The following IARS1 variants were observed in gnomAD, a reference collection of about 807,000 sequenced individuals.
IARS1 encodes isoleucyl-tRNA synthetase 1.
A neutral mutation model predicts 168.2 loss-of-function variants in IARS1; 124 were observed. The ratio of observed to expected loss-of-function variants is 0.74; its 90% CI spans 0.64 to 0.86. The LOEUF (loss-of-function observed/expected upper bound fraction) is 0.86, where lower values mean the gene tolerates loss of function less well. IARS1 is among the 40% of genes least tolerant of loss of function. The probability of loss-of-function intolerance (pLI) is 0.00; values close to 1 mark genes in which losing one functional copy is unlikely to be tolerated. For synonymous variants in IARS1, 532 were observed against 529.4 expected (o/e 1.00, Z -0.07); for missense variants, 1,452 against 1,515.8 (o/e 0.96, Z 0.70).
intron 23 of IARS1, 103 bp from the exon 24 acceptor site, chr9:92,250,392 G>A: frequency 5.1e-6 from 4 of 784,358 alleles, no homozygotes; most frequent in South Asian, 1.5e-5. Flanking sequence ...CTAGAGAAGT[G>A]TGGCTAGGCC....
intron 30 of IARS1, chr9:92,240,644 T>C (rs1345889177): frequency 1.4e-6 from 1 of 716,548 alleles, no homozygotes; most frequent in East Asian, 2.7e-5. Flanking sequence ...TCCTCTCACC[T>C]TGGCTTCCAA....
At chr9:92,280,974 G>T in intron 6 of IARS1, 81 bp from the exon 7 acceptor site, 2 of 888,478 alleles carry the variant, frequency 2.3e-6, no homozygotes, top group Non-Finnish European at 3.3e-6. Flanking sequence ...TCCTAAAGAG[G>T]AATAAAATAA....
At position 92,287,877 on chromosome 9, in the gene IARS1, C is replaced by T. The variant is rs746424758; in HGVS notation, c.310G>A (p.Gly104Arg). 19 of 1,613,782 alleles carry T rather than the reference C, an allele frequency of 1.2e-5. No homozygotes were observed. Among genetic ancestry groups the T allele is most frequent in the Non-Finnish European group, 1.6e-5 (19 of 1,179,892 alleles). ...YEIDKTLGIRGPEDVAKMGIT... is the reference protein window; with the variant it reads ...YEIDKTLGIRRPEDVAKMGIT... The stretch of plus-strand genomic sequence containing the variant: ...CCCATTTTGGCCACATCCTCTGGTC[C>T]TCTGATTCCCAGTGTCTTATCAATT... Residue 104 changes from glycine to arginine, a missense_variant, in exon 4 of 34, where the codon GGA (glycine) becomes AGA (arginine). Transcript: ENST00000443024.
chr9:92,291,560 G>A (rs1836339552), intron 1 of IARS1, among the ~76,000 whole-genome samples: 1 of 152,166 alleles, frequency 6.6e-6, no homozygotes, highest in Non-Finnish European at 1.5e-5. Context: ...TCTGATCACA[G>A]TATGCCATTA....
At chr9:92,250,935 T>G in intron 22 of IARS1, 101 bp from the exon 23 acceptor site, 1 of 1,287,700 alleles carries the variant, frequency 7.8e-7, no homozygotes, top group Non-Finnish European at 1.1e-6. Context: ...AATGACACAG[T>G]AATAGGCACC....
chr9:92,287,805 A>C lies in IARS1; in HGVS notation c.382T>G (p.Ser128Ala), dbSNP rs772468673. 7.4e-6 allele frequency: 12 copies of C among 1,613,026 alleles called. No individual in the cohort carries two copies. In the East Asian group the frequency reaches 2.0e-4, roughly 27 times the overall value. ...NQCRAIVMRY[S>A]AEWKSTVSRL... ...ACCCAACATACCTTCCACTCAGCAG[A>C]ATATCTCATCACAATTGCTCGGCAC... Residue 128 changes from serine to alanine, a missense_variant, in exon 4 of 34, where the codon TCT (serine) becomes GCT (alanine). Transcript: ENST00000443024.
At chr9:92,240,588 C>G in intron 30 of IARS1, 1 of 651,962 alleles carries the variant, frequency 1.5e-6, no homozygotes, top group South Asian at 1.7e-5. Flanking sequence ...GAGGCAGGAT[C>G]TTATTATGTT....
intron 26 of IARS1, among the ~76,000 whole-genome samples, chr9:92,245,739 T>C (rs1043571183): frequency 6.6e-6 from 1 of 152,092 alleles, no homozygotes; most frequent in Non-Finnish European, 1.5e-5. Flanking sequence ...AAACTAGGCT[T>C]TCAATTTCAA....
At position 92,214,269 on chromosome 9, in the gene IARS1, G is replaced by C. The variant is rs527598479; in HGVS notation, c.3707-3380C>G. Among the ~76,000 whole-genome samples, 3 of 151,944 alleles carry C rather than the reference G, an allele frequency of 2.0e-5. No homozygotes were observed. In the South Asian group the frequency reaches 6.2e-4, roughly 32 times the overall value. ...CAGAAAGACGGAAACTCAAAGAATA[G>C]AATGGTCTGGGTGTGGTGGCTCACC... is the stretch of plus-strand genomic sequence containing the variant. On this transcript the variant is annotated intron_variant, in intron 33 of 33. Coordinates refer to ENST00000443024, the MANE Select transcript of IARS1 (RefSeq NM_002161.6).
intron 26 of IARS1, 25 bp from the exon 27 acceptor site, chr9:92,245,096 A>C (rs756746108): frequency 6.3e-7 from 1 of 1,584,098 alleles, no homozygotes; most frequent in Non-Finnish European, 8.7e-7. Flanking sequence ...CTACACTGTT[A>C]ATCAGCTTCC....
chr9:92,253,879 A>T (rs777795847), intron 20 of IARS1: 3 of 471,624 alleles, frequency 6.4e-6, no homozygotes, highest in Non-Finnish European at 1.3e-5. Flanking sequence ...CACAATTCAG[A>T]TGCTAAGAGG....
At chr9:92,260,716 T>TTTGAATATG (rs150052245) in intron 17 of IARS1, among the ~76,000 whole-genome samples, 4,659 of 152,312 alleles carry the variant, frequency 0.031, 112 homozygotes, top group South Asian at 0.079. Flanking sequence ...TTTGCAAACT[T>TTTGAATATG]CTTTTTGAAT....
intron 26 of IARS1, 142 bp downstream of exon 26, chr9:92,247,235 A>G: frequency 1.6e-6 from 1 of 616,836 alleles, no homozygotes; most frequent in South Asian, 2.5e-5. Context: ...GAGAGTAAGG[A>G]AAGGAAAGGA....
chr9:92,212,636 G>C (rs1474869422), intron 33 of IARS1, among the ~76,000 whole-genome samples: 1 of 152,188 alleles, frequency 6.6e-6, no homozygotes, highest in Non-Finnish European at 1.5e-5. Context: ...GGATTTGAGG[G>C]ACAAGAAGAG....
chr9:92,271,567 G>A lies in IARS1; in HGVS notation c.1079C>T (p.Thr360Met), dbSNP rs201999653. The stretch of plus-strand genomic sequence containing the variant: ...CTGTCCTGCGAAATCTGTCACCTCC[G>A]TTGTGAAGCAGCCTGAAGCATCCAC... Reference protein sequence around the residue: ...CPVDASGCFTTEVTDFAGQYV... With the variant: ...CPVDASGCFTMEVTDFAGQYV... Residue 360 changes from threonine (T) to methionine (M), a missense_variant, in exon 11 of 34, where the codon ACG becomes ATG. Physicochemically the swap from Thr to Met is moderately conservative, Grantham distance 81 (BLOSUM62 -1). Coordinates refer to ENST00000443024, the MANE Select transcript of IARS1 (RefSeq NM_002161.6). 2.0e-5 allele frequency: 32 copies of A among 1,614,062 alleles called. No individual in the cohort carries two copies. Among genetic ancestry groups the A allele is most frequent in the Admixed American group, 5.0e-5 (3 of 60,020 alleles).
intron 5 of IARS1, chr9:92,286,115 C>T (rs907032467): frequency 8.4e-5 from 29 of 343,644 alleles, no homozygotes; most frequent in Non-Finnish European, 1.3e-4. Flanking sequence ...CGTCTGTAAT[C>T]GTAGCACTTT....
At chr9:92,214,820 T>C (rs559202769) in intron 33 of IARS1, among the ~76,000 whole-genome samples, 2 of 152,294 alleles carry the variant, frequency 1.3e-5, no homozygotes, top group South Asian at 4.1e-4. Flanking sequence ...GAGATCAAAC[T>C]GCAAGGCGGC....
chr9:92,251,447 T>C (rs1367935896), intron 22 of IARS1, among the ~76,000 whole-genome samples: 1 of 152,194 alleles, frequency 6.6e-6, no homozygotes. Flanking sequence ...TATATATATA[T>C]TTACTCAGAC....
Position 92,285,742 on chromosome 9 carries a change from C to T in IARS1, c.577G>A (p.Glu193Lys), listed in dbSNP as rs1564189160. Reference sequence around the variant, plus strand: ...CGTACCTTATAATTCTGGTGTGACTCGAAGTTGGAAAGTGGAGTGTTACAT... The same window carrying T: ...CGTACCTTATAATTCTGGTGTGACTTGAAGTTGGAAAGTGGAGTGTTACAT... ...TACNTPLSNF[E>K]SHQNYKDVQD... Residue 193 changes from glutamate (E) to lysine (K), a missense_variant, in exon 6 of 34, where the codon GAG (glutamate) becomes AAG (lysine). By Grantham distance (56) the Glu-to-Lys change is moderately conservative. Transcript: ENST00000443024. 2 of 1,606,508 alleles carry T rather than the reference C, an allele frequency of 1.2e-6. No homozygotes were observed. Among genetic ancestry groups the T allele is most frequent in the South Asian group, 1.1e-5 (1 of 90,890 alleles).
Sources: gnomAD v4.1 joint callset for allele counts (sites outside exome capture counted in the v4.1 genomes callset) on GRCh38, gnomAD v4.1.1 for gene constraint, MANE v1.5 for transcripts, NCBI Gene and HGNC (gene_info 2026-07-23, HGNC 2026-07-21) for gene names.